BIRC6: variants seen among roughly 807,000 people sequenced by gnomAD.
BIRC6 encodes baculoviral IAP repeat containing 6.
Under a neutral mutation model 503.3 loss-of-function variants are expected in BIRC6, and 98 were observed. That is an observed-to-expected ratio of 0.19 (90% CI 0.17 to 0.23). The LOEUF (loss-of-function observed/expected upper bound fraction) is 0.23. BIRC6 is among the 10% of genes least tolerant of loss of function. BIRC6 has a pLI of 1.00. For synonymous variants in BIRC6, 2,240 were observed against 2,078.7 expected (o/e 1.08, Z -2.11); for missense variants, 5,360 against 5,806.0 (o/e 0.92, Z 2.50).
chr2:32,514,504 T>G (rs914801160), intron 54 of BIRC6, among the ~76,000 whole-genome samples: 9 of 152,194 alleles, frequency 5.9e-5, no homozygotes, highest in Admixed American at 2.0e-4. Context: ...CTGTAACACA[T>G]AAAAAGTAGG....
intron 1 of BIRC6, among the ~76,000 whole-genome samples, chr2:32,367,345 C>G (rs1166514870): frequency 1.3e-5 from 2 of 151,886 alleles, no homozygotes; most frequent in Admixed American, 1.3e-4. Flanking sequence ...GCCTGTAATC[C>G]CAGCTATTCG....
intron 65 of BIRC6, chr2:32,558,780 G>A (rs1363409800): frequency 6.6e-6 from 1 of 152,182 alleles, no homozygotes; most frequent in East Asian, 1.9e-4. Context: ...ATCAAAGATG[G>A]CAAATGTTTT....
Position 32,597,819 on chromosome 2 carries a change from T to C in BIRC6, c.13681T>C (p.Ser4561Pro). 6.2e-7 allele frequency: 1 copy of C among 1,613,812 alleles called. No homozygotes were observed. Among genetic ancestry groups the C allele is most frequent in the South Asian group, 1.1e-5 (1 of 91,080 alleles). ...ATTTAAAGTAAATTACCACTACATG[T>C]CTCAGGTGAAAAATGCTAATGATGC... ...LGFKVNYHYM[S>P]QVKNANDANS... Residue 4561 changes from serine to proline, a missense_variant, in exon 69 of 74, where the codon TCT becomes CCT. Physicochemically the swap from Ser to Pro is moderately conservative, Grantham distance 74. Around this residue, in one of 16 missense-constraint regions of BIRC6, gnomAD observed 477 missense variants for 574.4 expected, o/e 0.83. Transcript: ENST00000421745.
chr2:32,403,989 G>T (rs1431571069), intron 8 of BIRC6, among the ~76,000 whole-genome samples: 1 of 150,130 alleles, frequency 6.7e-6, no homozygotes, highest in Non-Finnish European at 1.5e-5. Flanking sequence ...GTGCAGTGGC[G>T]CAATCTTGGC....
rs560251664 is a variant in BIRC6 at position 32,480,621 on chromosome 2, CTTTTTTTTTTTTTTTTTT to C, written c.7409-679_7409-662del. ...CATAACAGAAAAATAAGGTAAATGG[CTTTTTTTTTTTTTTTTTT>C]TTTTTTTTTTTTTTTTTTTGAGACG... On this transcript the variant is annotated intron_variant, in intron 37 of 73. Coordinates refer to ENST00000421745, the MANE Select transcript of BIRC6 (RefSeq NM_016252.4). 7.7e-3 allele frequency among the ~76,000 whole-genome samples: 469 copies of C among 60,732 alleles called. 5 individuals are homozygous for C. Among genetic ancestry groups the C allele is most frequent in the Middle Eastern group, 0.018 (2 of 114 alleles). The allele number at this position is 60,732 out of a possible 152,430, so 39.8% of individuals were successfully genotyped here.
intron 73 of BIRC6, among the ~76,000 whole-genome samples, chr2:32,614,407 G>A (rs1336351293): frequency 2.0e-5 from 3 of 152,190 alleles, no homozygotes; most frequent in Admixed American, 6.5e-5. Context: ...TTTTCATTCA[G>A]TGTCTTGCTT....
intron 55 of BIRC6, among the ~76,000 whole-genome samples, chr2:32,516,738 A>G (rs1011442105): frequency 2.0e-5 from 3 of 152,066 alleles, no homozygotes; most frequent in Non-Finnish European, 4.4e-5. Context: ...TTATTTCAAG[A>G]GTAATTCTAG....
At chr2:32,499,024 G>A (rs1282455869) in intron 45 of BIRC6, among the ~76,000 whole-genome samples, 2 of 152,144 alleles carry the variant, frequency 1.3e-5, no homozygotes, top group Non-Finnish European at 2.9e-5. Context: ...GGCCTAATTT[G>A]CCTTTTTCTT....
chr2:32,497,272 T>G (rs565772379), intron 45 of BIRC6, among the ~76,000 whole-genome samples: 1 of 152,342 alleles, frequency 6.6e-6, no homozygotes, highest in East Asian at 1.9e-4. Flanking sequence ...ATTCTGTTCT[T>G]AGCTGGCCCA....
At position 32,545,639 on chromosome 2, in the gene BIRC6, C is replaced by T. The variant is rs950695150; in HGVS notation, c.12593-4C>T. On this transcript the variant is annotated splice_polypyrimidine_tract_variant and splice_region_variant and intron_variant, in intron 62 of 73. Coordinates refer to ENST00000421745, the MANE Select transcript of BIRC6 (RefSeq NM_016252.4). ...TCTTGAGTCCTCTTCTTTCTTCAAT[C>T]TAGGTCATATTCTTCAATCTCCATC... 2 of 1,607,842 alleles carry T rather than the reference C, an allele frequency of 1.2e-6. No individual in the cohort carries two copies. The highest frequency in any genetic ancestry group is 1.7e-6 in the Non-Finnish European group (2 of 1,174,616).
intron 10 of BIRC6, among the ~76,000 whole-genome samples, chr2:32,428,913 TA>T (rs2043814579): frequency 6.6e-6 from 1 of 152,170 alleles, no homozygotes; most frequent in Non-Finnish European, 1.5e-5. Context: ...AAATACTAGA[TA>T]AATACCTGTT....
rs61746815 is a variant in BIRC6 at position 32,491,450 on chromosome 2, T to G, written c.8232T>G (p.Thr2744=). 469 of 1,612,204 alleles carry G rather than the reference T, an allele frequency of 2.9e-4. 1 individual carries two copies. The African/African-American group carries it at 5.6e-3, about 19-fold the overall frequency. ...LNSGSSSAIG[T]QESTAHLLVS... is the part of the protein sequence containing the mutation. ...CTGGTTCCAGCAGTGCCATTGGAACTCAGGAGAGTACTGCTCATTTGTTGG... is the reference window on the plus strand; with the variant it reads ...CTGGTTCCAGCAGTGCCATTGGAACGCAGGAGAGTACTGCTCATTTGTTGG... Residue 2744 remains threonine (T), a synonymous_variant, in exon 44 of 74, where the codon ACT becomes ACG. Coordinates refer to ENST00000421745, the MANE Select transcript of BIRC6 (RefSeq NM_016252.4).
intron 1 of BIRC6, among the ~76,000 whole-genome samples, chr2:32,361,392 A>C (rs2034059343): frequency 6.6e-6 from 1 of 152,138 alleles, no homozygotes; most frequent in Admixed American, 6.6e-5. Context: ...TTTTAGGTTA[A>C]CAACAAAATT....
chr2:32,472,930 T>G, intron 32 of BIRC6, 182 bp from the exon 33 acceptor site: 1 of 517,538 alleles, frequency 1.9e-6, no homozygotes, highest in African/African-American at 2.0e-5. Flanking sequence ...ATTAGATAAT[T>G]GACAGTTATC....
chr2:32,440,007 T>C (rs1287340351), intron 16 of BIRC6, among the ~76,000 whole-genome samples: 1 of 152,212 alleles, frequency 6.6e-6, no homozygotes, highest in African/African-American at 2.4e-5. Flanking sequence ...ACTTCCCTAG[T>C]AGCTGGGATC....
rs545814654 is a variant in BIRC6, at chr2:32,560,928, G to A, written c.13144+11447G>A. Reference sequence around the variant, plus strand: ...ATTGACCTGCAAGTAGGCCGGGGGCGGTGGCTCACACCTGTAATCCCAGCA... The same window carrying A: ...ATTGACCTGCAAGTAGGCCGGGGGCAGTGGCTCACACCTGTAATCCCAGCA... On this transcript the variant is annotated intron_variant, in intron 65 of 73. Coordinates refer to ENST00000421745, the MANE Select transcript of BIRC6 (RefSeq NM_016252.4). 2.0e-5 allele frequency among the ~76,000 whole-genome samples: 3 copies of A among 151,866 alleles called. No homozygotes were observed. The East Asian group carries it at 5.8e-4, about 29-fold the overall frequency.
intron 62 of BIRC6, 49 bp downstream of exon 62, chr2:32,543,590 T>C: frequency 3.9e-6 from 6 of 1,545,334 alleles, no homozygotes; most frequent in Non-Finnish European, 5.3e-6. Context: ...ATAGGTTGTG[T>C]AAAGGTATCC....
intron 66 of BIRC6, among the ~76,000 whole-genome samples, chr2:32,592,274 A>G (rs2061430843): frequency 6.6e-6 from 1 of 152,238 alleles, no homozygotes; most frequent in Non-Finnish European, 1.5e-5. Context: ...CTCAGGGAAG[A>G]TAAGAAGAGA....
chr2:32,544,598 T>C (rs964746318), intron 62 of BIRC6, among the ~76,000 whole-genome samples: 1 of 151,684 alleles, frequency 6.6e-6, no homozygotes, highest in African/African-American at 2.4e-5. Context: ...TAGGGTCGAT[T>C]TCTTTCACAT....
Sources: allele counts gnomAD v4.1 joint callset (sites outside exome capture counted in the v4.1 genomes callset), GRCh38; gene constraint gnomAD v4.1.1; regional missense constraint gnomAD v4.1.1; transcripts MANE v1.5; gene names NCBI Gene and HGNC (gene_info 2026-07-23, HGNC 2026-07-21).